CAMK1D: variants seen among roughly 807,000 people sequenced by gnomAD.
CAMK1D encodes calcium/calmodulin-dependent protein kinase type 1D.
In CAMK1D, 9 loss-of-function variants were observed where a neutral mutation model predicts 47.7. That is an observed-to-expected ratio of 0.19 (90% CI 0.11 to 0.33). The LOEUF is 0.33. CAMK1D is among the 10% of genes least tolerant of loss of function. CAMK1D has a pLI of 1.00. For synonymous variants in CAMK1D, 184 were observed against 184.9 expected, an observed-to-expected ratio of 0.99 and a Z score of 0.04; for missense variants, 291 against 488.7, an observed-to-expected ratio of 0.60 and a Z score of 3.81.
At chr10:12,502,558 T>C (rs1331561816) in intron 1 of CAMK1D, among the ~76,000 whole-genome samples, 1 of 152,142 alleles carries the variant, frequency 6.6e-6, no homozygotes, top group African/African-American at 2.4e-5. Context: ...ACCTCCACCA[T>C]ACAGAGGAGG....
At chr10:12,604,959 C>G (rs543888911) in intron 2 of CAMK1D, among the ~76,000 whole-genome samples, 1 of 151,588 alleles carries the variant, frequency 6.6e-6, no homozygotes, top group South Asian at 2.1e-4. Flanking sequence ...GCAATCTCAA[C>G]TCACTGCAAC....
intron 3 of CAMK1D, among the ~76,000 whole-genome samples, chr10:12,733,104 C>A (rs1387791763): frequency 6.6e-6 from 1 of 152,206 alleles, no homozygotes; most frequent in Non-Finnish European, 1.5e-5. Context: ...TGCCTCCAGT[C>A]CAGAGCAAAG....
chr10:12,358,926 AT>A (rs1351133287), intron 1 of CAMK1D, among the ~76,000 whole-genome samples: 1 of 152,108 alleles, frequency 6.6e-6, no homozygotes, highest in Non-Finnish European at 1.5e-5. Flanking sequence ...TTGGAAATTG[AT>A]TTTTTGGAAG....
In CAMK1D at chr10:12,760,972, C is replaced by T. The variant is rs550997889; in HGVS notation, c.324C>T (p.Asp108=). The part of the protein sequence containing the change: ...MQLVSGGELF[D]RIVEKGFYTE... ...GGGTGTCCGGTGGAGAGCTGTTTGACCGGATAGTGGAGAAGGGGTTTTATA... is the reference window on the plus strand; with the variant it reads ...GGGTGTCCGGTGGAGAGCTGTTTGATCGGATAGTGGAGAAGGGGTTTTATA... Residue 108 remains aspartate (D), a synonymous_variant, in exon 4 of 11, where the codon GAC becomes GAT. Transcript: ENST00000619168. The T allele has an allele frequency of 5.7e-4, 916 of 1,613,766 alleles. 15 individuals are homozygous for T. The South Asian group carries it at 9.5e-3, about 17-fold the overall frequency.
intron 1 of CAMK1D, among the ~76,000 whole-genome samples, chr10:12,461,776 G>A (rs1027739198): frequency 5.7e-4 from 84 of 147,206 alleles, no homozygotes; most frequent in Non-Finnish European, 1.1e-3. Flanking sequence ...GTTATTTTTA[G>A]GTGTTCTTCT....
At chr10:12,717,024 T>G (rs945610385) in intron 3 of CAMK1D, among the ~76,000 whole-genome samples, 2 of 152,242 alleles carry the variant, frequency 1.3e-5, no homozygotes, top group Non-Finnish European at 2.9e-5. Context: ...TGGTCAGTGT[T>G]AAAAACAGAA....
At chr10:12,355,226 G>C (rs985048190) in intron 1 of CAMK1D, among the ~76,000 whole-genome samples, 3 of 152,136 alleles carry the variant, frequency 2.0e-5, no homozygotes, top group African/African-American at 7.2e-5. Flanking sequence ...GTCAATAGCA[G>C]TGTGTCTCCT....
In CAMK1D at chr10:12,832,323, G is replaced by T. The variant is rs7067652; in HGVS notation, c.*3436G>T. On this transcript the variant is annotated 3_prime_UTR_variant, in exon 11 of 11. Coordinates refer to ENST00000619168, the MANE Select transcript of CAMK1D (RefSeq NM_153498.4). Reference sequence around the variant, plus strand: ...CTTGGAGTCTGGAGTCTGGGCAGCTGTCTGCCTCTCTACGGCTCTGCTTCC... The same window carrying T: ...CTTGGAGTCTGGAGTCTGGGCAGCTTTCTGCCTCTCTACGGCTCTGCTTCC... 1,290 of 152,484 alleles carry T rather than the reference G, an allele frequency of 8.5e-3. 8 individuals are homozygous for T. The highest frequency in any genetic ancestry group is 0.013 in the Non-Finnish European group (892 of 68,178). 9.4% of individuals were successfully genotyped at this position (152,484 alleles called of 1,614,324 possible).
At chr10:12,446,170 C>G (rs1196985052) in intron 1 of CAMK1D, among the ~76,000 whole-genome samples, 1 of 152,060 alleles carries the variant, frequency 6.6e-6, no homozygotes, top group African/African-American at 2.4e-5. Context: ...GAATTCAGGG[C>G]AAGTCCACAG....
intron 3 of CAMK1D, among the ~76,000 whole-genome samples, chr10:12,688,176 T>C (rs1374958190): frequency 6.6e-6 from 1 of 152,214 alleles, no homozygotes; most frequent in Admixed American, 6.5e-5. Context: ...TCATTACCTT[T>C]TCCAGTCTAC....
chr10:12,349,974 AGCT>A, intron 1 of CAMK1D, 64 bp downstream of exon 1: 1 of 865,948 alleles, frequency 1.2e-6, no homozygotes, highest in Non-Finnish European at 1.6e-6. Context: ...GGGCAGCTCC[AGCT>A]GCCGCCGCCG....
At chr10:12,794,486 A>G (rs1043409503) in intron 6 of CAMK1D, among the ~76,000 whole-genome samples, 1 of 152,132 alleles carries the variant, frequency 6.6e-6, no homozygotes, top group African/African-American at 2.4e-5. Context: ...TCTGAGTATG[A>G]TTTGACAAGT....
intron 2 of CAMK1D, among the ~76,000 whole-genome samples, chr10:12,583,814 TG>T (rs1318252559): frequency 6.6e-6 from 1 of 152,080 alleles, no homozygotes; most frequent in African/African-American, 2.4e-5. Context: ...TTGGCCAGGA[TG>T]GTCTCGATCT....
intron 3 of CAMK1D, among the ~76,000 whole-genome samples, chr10:12,738,526 T>C (rs991097065): frequency 1.2e-4 from 18 of 152,178 alleles, no homozygotes; most frequent in Admixed American, 2.0e-4. Flanking sequence ...CCACAGGGAA[T>C]ATATCATTAA....
At chr10:12,688,525 T>C (rs72771784) in intron 3 of CAMK1D, among the ~76,000 whole-genome samples, 2,260 of 152,222 alleles carry the variant, frequency 0.015, 29 homozygotes, top group Non-Finnish European at 0.025. Context: ...TTTCTTGCCA[T>C]GTTTGCAGAG....
intron 1 of CAMK1D, among the ~76,000 whole-genome samples, chr10:12,352,019 T>C (rs190957250): frequency 3.3e-5 from 5 of 152,336 alleles, no homozygotes; most frequent in Admixed American, 2.0e-4. Flanking sequence ...TCAGGTATTA[T>C]TCTACGTGCC....
chr10:12,769,988 G>A (rs931008532), intron 5 of CAMK1D, among the ~76,000 whole-genome samples, 189 bp downstream of exon 5: 5 of 152,240 alleles, frequency 3.3e-5, no homozygotes, highest in African/African-American at 1.2e-4. Flanking sequence ...TCATAGCAGG[G>A]AAGTGATTTC....
chr10:12,633,984 G>A (rs1054032878), intron 2 of CAMK1D, among the ~76,000 whole-genome samples: 4 of 152,252 alleles, frequency 2.6e-5, no homozygotes, highest in East Asian at 3.9e-4. Flanking sequence ...AATATTTCCC[G>A]AGTCTGGCAC....
intron 2 of CAMK1D, among the ~76,000 whole-genome samples, chr10:12,628,621 T>G (rs1227085231): frequency 6.6e-6 from 1 of 152,192 alleles, no homozygotes; most frequent in East Asian, 1.9e-4. Context: ...GAGCCAGTAT[T>G]GGTACATTAT....
Sources: allele counts gnomAD v4.1 joint callset (sites outside exome capture counted in the v4.1 genomes callset), GRCh38; gene constraint gnomAD v4.1.1; transcripts MANE v1.5; gene names NCBI Gene and HGNC (gene_info 2026-07-23, HGNC 2026-07-21).